FANCC: variants seen among roughly 807,000 people sequenced by gnomAD.
The protein encoded by FANCC is FA complementation group C, also known as Fanconi anemia group C protein.
FANCC carries 55 observed loss-of-function variants against 71.3 expected under a neutral mutation model. That is an observed-to-expected ratio of 0.77 (90% confidence interval 0.62 to 0.97). The LOEUF (loss-of-function observed/expected upper bound fraction) is 0.97, where lower values mean the gene tolerates loss of function less well. FANCC is among the 50% of genes least tolerant of loss of function. The probability of loss-of-function intolerance (pLI) is 0.00; values close to 1 mark genes in which losing one functional copy is unlikely to be tolerated. For missense variants in FANCC, 678 were observed against 670.9 expected (o/e 1.01, Z -0.12); for synonymous variants, 275 against 244.9 (o/e 1.12, Z -1.15).
chr9:95,119,373 T>C (rs1274645657), intron 10 of FANCC, among the ~76,000 whole-genome samples: 1 of 151,750 alleles, frequency 6.6e-6, no homozygotes, highest in African/African-American at 2.4e-5. Flanking sequence ...TTCTTTTTTT[T>C]TTTTTTTAAT....
chr9:95,108,864 T>C (rs2071677395), intron 13 of FANCC, among the ~76,000 whole-genome samples: 1 of 152,144 alleles, frequency 6.6e-6, no homozygotes, highest in African/African-American at 2.4e-5. Flanking sequence ...TAATGTACTA[T>C]AAGCAGTTCA....
At chr9:95,148,063 T>C (rs1345156893) in intron 7 of FANCC, among the ~76,000 whole-genome samples, 3 of 152,148 alleles carry the variant, frequency 2.0e-5, no homozygotes, top group Admixed American at 2.0e-4. Context: ...TGTGTCTCAG[T>C]GGGAATCAGA....
At position 95,104,779 on chromosome 9, in the gene FANCC, C is replaced by A. The variant is rs1431979606; in HGVS notation, c.1533+2287G>T. Among the ~76,000 whole-genome samples, 3 of 152,146 alleles carry A rather than the reference C, an allele frequency of 2.0e-5. No individual in the cohort carries two copies. In the South Asian group the frequency reaches 6.2e-4, roughly 32 times the overall value. On this transcript the variant is annotated intron_variant, in intron 14 of 14. Transcript: ENST00000289081. ...CCTGCTGCTAAGCCTTCTCCACTCA[C>A]ACGGGCCACAGGGTTGGGGAGGAAG... is the stretch of plus-strand genomic sequence containing the variant.
intron 1 of FANCC, among the ~76,000 whole-genome samples, chr9:95,275,432 A>G (rs1832979238): frequency 6.6e-6 from 1 of 152,248 alleles, no homozygotes; most frequent in Non-Finnish European, 1.5e-5. Flanking sequence ...ACACATGTAT[A>G]TCTGTCCAAA....
intron 1 of FANCC, among the ~76,000 whole-genome samples, chr9:95,284,158 A>T (rs1182987696): frequency 6.6e-6 from 1 of 152,210 alleles, no homozygotes; most frequent in African/African-American, 2.4e-5. Context: ...GCAAGCCTAA[A>T]CACCTGTCGG....
intron 1 of FANCC, among the ~76,000 whole-genome samples, chr9:95,307,368 C>T (rs962996154): frequency 3.3e-5 from 5 of 152,000 alleles, no homozygotes; most frequent in Admixed American, 6.6e-5. Context: ...ATAAAACCAA[C>T]GTATTTGTAT....
intron 1 of FANCC, among the ~76,000 whole-genome samples, chr9:95,311,111 G>C (rs1716128086): frequency 6.6e-6 from 1 of 151,912 alleles, no homozygotes; most frequent in African/African-American, 2.4e-5. Flanking sequence ...GGGCGTGGTG[G>C]TGGGCTCCTG....
chr9:95,209,393 T>C (rs1828353024), intron 4 of FANCC, among the ~76,000 whole-genome samples: 1 of 152,172 alleles, frequency 6.6e-6, no homozygotes, highest in Non-Finnish European at 1.5e-5. Flanking sequence ...ATGATAACGA[T>C]GTGTCAGGAC....
At chr9:95,191,486 C>T (rs535096954) in intron 4 of FANCC, among the ~76,000 whole-genome samples, 39 of 152,098 alleles carry the variant, frequency 2.6e-4, no homozygotes, top group African/African-American at 9.2e-4. Context: ...GCTACCACAC[C>T]TGGCCAGCAT....
chr9:95,200,952 A>G lies in FANCC; in HGVS notation c.346-28805T>C, dbSNP rs143026435. On this transcript the variant is annotated intron_variant, in intron 4 of 14. Coordinates refer to ENST00000289081, the MANE Select transcript of FANCC (RefSeq NM_000136.3). ...AGTGTTCTTTTAAATTCAGACAGAT[A>G]AAAAGCACTCTCCAGAACACGTCAA... Among the ~76,000 whole-genome samples the G allele has an allele frequency of 6.0e-4, 92 of 152,358 alleles. 1 individual carries two copies. The East Asian group carries it at 0.016, about 26-fold the overall frequency.
chr9:95,105,917 T>C (rs1004330339), intron 14 of FANCC, among the ~76,000 whole-genome samples: 12 of 152,236 alleles, frequency 7.9e-5, no homozygotes, highest in Non-Finnish European at 1.3e-4. Context: ...CTGCTGAGAA[T>C]AGTGCTGCCC....
intron 1 of FANCC, among the ~76,000 whole-genome samples, chr9:95,260,492 G>A (rs1023428590): frequency 5.3e-5 from 8 of 151,982 alleles, no homozygotes; most frequent in African/African-American, 9.7e-5. Context: ...CGAACAATGC[G>A]AACACATGGA....
chr9:95,308,369 A>G (rs1475292896), intron 1 of FANCC, among the ~76,000 whole-genome samples: 7 of 152,016 alleles, frequency 4.6e-5, no homozygotes, highest in Admixed American at 4.6e-4. Context: ...AGCTCACTGC[A>G]ACCTCCCGAG....
intron 1 of FANCC, among the ~76,000 whole-genome samples, chr9:95,254,235 A>G (rs1409500548): frequency 6.6e-6 from 1 of 152,248 alleles, no homozygotes; most frequent in East Asian, 1.9e-4. Flanking sequence ...ATGCTTTTCA[A>G]TATGTTACTT....
chr9:95,131,747 T>C (rs573869758), intron 8 of FANCC, among the ~76,000 whole-genome samples: 2 of 152,194 alleles, frequency 1.3e-5, no homozygotes, highest in Admixed American at 6.5e-5. Context: ...AGTGAAAAGC[T>C]ACTTAAGCAC....
chr9:95,274,778 G>C (rs999098415), intron 1 of FANCC, among the ~76,000 whole-genome samples: 1 of 152,054 alleles, frequency 6.6e-6, no homozygotes, highest in African/African-American at 2.4e-5. Flanking sequence ...AGACCATCAA[G>C]GAAATCTCAA....
chr9:95,198,748 G>A (rs1367919068), intron 4 of FANCC, among the ~76,000 whole-genome samples: 2 of 152,094 alleles, frequency 1.3e-5, no homozygotes, highest in Non-Finnish European at 2.9e-5. Flanking sequence ...GTGTGTGGGG[G>A]AGGGGAGACA....
At chr9:95,140,792 G>C (rs1328611374) in intron 7 of FANCC, among the ~76,000 whole-genome samples, 2 of 152,260 alleles carry the variant, frequency 1.3e-5, no homozygotes, top group Admixed American at 1.3e-4. Context: ...GTGACAGCCT[G>C]ATCTAAGCAA....
At chr9:95,108,780 T>TTGTC (rs938331027) in intron 13 of FANCC, among the ~76,000 whole-genome samples, 46 of 152,252 alleles carry the variant, frequency 3.0e-4, no homozygotes, top group African/African-American at 9.2e-4. Flanking sequence ...TATATACTTC[T>TTGTC]TGTCTTTTTT....
Sources: gnomAD v4.1 joint callset for allele counts (sites outside exome capture counted in the v4.1 genomes callset) on GRCh38, gnomAD v4.1.1 for gene constraint, MANE v1.5 for transcripts, NCBI Gene and HGNC (gene_info 2026-07-23, HGNC 2026-07-21) for gene names.